The following KREMEN1 variants were observed in gnomAD, a reference collection of about 807,000 sequenced individuals.
KREMEN1 encodes kringle containing transmembrane protein 1, also known as kremen protein 1.
In KREMEN1, 30 loss-of-function variants were observed where a neutral mutation model predicts 46.5. The observed-to-expected ratio is 0.65, with a 90% CI of 0.48 to 0.88. The LOEUF (loss-of-function observed/expected upper bound fraction) is 0.88, where lower values mean the gene tolerates loss of function less well. Among genes scored for constraint, KREMEN1 ranks in the 40% least tolerant of loss-of-function variants. The pLI is 0.00. For synonymous variants in KREMEN1, 214 were observed against 230.6 expected (o/e 0.93, Z 0.65); for missense variants, 533 against 596.9 (o/e 0.89, Z 1.11).
In KREMEN1 at chr22:29,120,561, CAG is replaced by C. The variant is rs1299347023; in HGVS notation, c.353-795_353-794del. 2.2e-4 allele frequency among the ~76,000 whole-genome samples: 21 copies of C among 94,764 alleles called. 1 individual carries two copies. The highest frequency in any genetic ancestry group is 3.9e-4 in the East Asian group (1 of 2,534). 62.2% of individuals were successfully genotyped at this position (94,764 alleles called of 152,430 possible). On this transcript the variant is annotated intron_variant, in intron 3 of 8. Coordinates refer to ENST00000400335, the MANE Select transcript of KREMEN1 (RefSeq NM_001039570.3). ...GAGGAGGGAGAGGTGACGATGGAAA[CAG>C]GGAGGAGGGAGAGTTGATGATGGAA...
At chr22:29,150,017 G>A (rs548718977), downstream of KREMEN1, among the ~76,000 whole-genome samples, 68 of 152,354 alleles carry the variant, frequency 4.5e-4, 1 homozygote, top group Admixed American at 8.5e-4. Flanking sequence ...TCAGAGAACT[G>A]GGAAGCTTTT....
At chr22:29,150,387 C>T (rs2038906106), downstream of KREMEN1, among the ~76,000 whole-genome samples, 1 of 152,202 alleles carries the variant, frequency 6.6e-6, no homozygotes, top group African/African-American at 2.4e-5. Flanking sequence ...AAAAGGGGCT[C>T]CACAAGAAGC....
chr22:29,154,033 T>C (rs181348247), intron 9 of KREMEN1, among the ~76,000 whole-genome samples: 6 of 152,078 alleles, frequency 3.9e-5, no homozygotes, highest in Admixed American at 3.3e-4. Context: ...TTGTGAAGAT[T>C]AAATGAAATA....
At chr22:29,155,471 G>A (rs1265823305) in intron 9 of KREMEN1, among the ~76,000 whole-genome samples, 1 of 152,084 alleles carries the variant, frequency 6.6e-6, no homozygotes, top group Non-Finnish European at 1.5e-5. Flanking sequence ...GGAGGTCTAG[G>A]CTGCAGTGAG....
intron 9 of KREMEN1, among the ~76,000 whole-genome samples, chr22:29,156,743 A>G (rs1004876525): frequency 6.6e-6 from 1 of 152,216 alleles, no homozygotes; most frequent in African/African-American, 2.4e-5. Flanking sequence ...AGCTGGGAGG[A>G]GCAAGGCTGC....
In KREMEN1 at chr22:29,094,417, G is replaced by T. The variant is rs765536634; in HGVS notation, c.257G>T (p.Cys86Phe). 2 of 1,612,230 alleles carry T rather than the reference G, an allele frequency of 1.2e-6. No homozygotes were observed. The highest frequency in any genetic ancestry group is 4.5e-5 in the East Asian group (2 of 44,868). Reference sequence around the variant, plus strand: ...GGGGGCCTGGGTGAGCACAACTATTGCAGGTAAGATGGGGCCACTCAGTAC... The same window carrying T: ...GGGGGCCTGGGTGAGCACAACTATTTCAGGTAAGATGGGGCCACTCAGTAC... Reference protein sequence around the residue: ...GEGGLGEHNYCRNPDGDVSPW... With the variant: ...GEGGLGEHNYFRNPDGDVSPW... The change falls in exon 2 of 9, where the codon TGC becomes TTC. Residue 86 changes from cysteine (C) to phenylalanine (F), a missense_variant. Physicochemically the swap from Cys to Phe is radical, Grantham distance 205. Transcript: ENST00000400335.
At chr22:29,113,978 C>T (rs1280249181) in intron 3 of KREMEN1, among the ~76,000 whole-genome samples, 1 of 152,264 alleles carries the variant, frequency 6.6e-6, no homozygotes, top group African/African-American at 2.4e-5. Flanking sequence ...CCACAAAGAC[C>T]CCTTTCAGTT....
Position 29,142,212 on chromosome 22 carries a change from C to G in KREMEN1, c.*100C>G, listed in dbSNP as rs2038775329. On this transcript the variant is annotated 3_prime_UTR_variant, in exon 9 of 9. Coordinates refer to ENST00000400335, the MANE Select transcript of KREMEN1 (RefSeq NM_001039570.3). ...TTCTCTGACAGACTCTTCCCCTCCTCTCCCTCTGCCTCGGCCTCTTCGGGG... is the reference window on the plus strand; with the variant it reads ...TTCTCTGACAGACTCTTCCCCTCCTGTCCCTCTGCCTCGGCCTCTTCGGGG... 3 of 1,420,376 alleles carry G rather than the reference C, an allele frequency of 2.1e-6. No individual in the cohort carries two copies. Among genetic ancestry groups the G allele is most frequent in the African/African-American group, 1.5e-5 (1 of 68,312 alleles). The allele number at this position is 1,420,376 out of a possible 1,614,324, so 88.0% of individuals were successfully genotyped here.
intron 9 of KREMEN1, among the ~76,000 whole-genome samples, chr22:29,163,399 T>C (rs5997449): frequency 0.11 from 16,846 of 152,024 alleles, 1,140 homozygotes; most frequent in African/African-American, 0.18. Context: ...TTTTTTGAGA[T>C]GGAGTTTCAC....
At chr22:29,147,403 A>G (rs1263970880), downstream of KREMEN1, among the ~76,000 whole-genome samples, 1 of 152,162 alleles carries the variant, frequency 6.6e-6, no homozygotes, top group Non-Finnish European at 1.5e-5. Context: ...GCTGGCAGAC[A>G]CTGTGCATAT....
chr22:29,157,989 G>T (rs2038978344), intron 9 of KREMEN1, among the ~76,000 whole-genome samples: 2 of 152,154 alleles, frequency 1.3e-5, no homozygotes, highest in South Asian at 2.1e-4. Context: ...GGATGCAAAG[G>T]CCACTGGGAA....
chr22:29,082,771 C>A (rs1316597590), intron 1 of KREMEN1, among the ~76,000 whole-genome samples: 1 of 152,154 alleles, frequency 6.6e-6, no homozygotes. Context: ...GTTTCAAAAC[C>A]TCTGGTTTCT....
chr22:29,158,226 G>T (rs1221885636), intron 9 of KREMEN1, among the ~76,000 whole-genome samples: 1 of 152,182 alleles, frequency 6.6e-6, no homozygotes, highest in Non-Finnish European at 1.5e-5. Context: ...TGTGGTCCAG[G>T]TTCCTCACGT....
chr22:29,166,974 A>G, intron 9 of KREMEN1: 1 of 1,207,526 alleles, frequency 8.3e-7, no homozygotes, highest in Non-Finnish European at 1.2e-6. Flanking sequence ...AAATGCTTCT[A>G]ACTGTTCTCT....
At chr22:29,110,015 T>G (rs972013001) in intron 3 of KREMEN1, among the ~76,000 whole-genome samples, 1 of 152,228 alleles carries the variant, frequency 6.6e-6, no homozygotes, top group Non-Finnish European at 1.5e-5. Flanking sequence ...CCTCTTGAAC[T>G]TGGACTGACC....
intron 3 of KREMEN1, among the ~76,000 whole-genome samples, chr22:29,120,784 C>A (rs149203269): frequency 6.6e-6 from 1 of 152,216 alleles, no homozygotes; most frequent in East Asian, 1.9e-4. Flanking sequence ...GACCCATAAG[C>A]CCCACTTAGT....
chr22:29,110,006 C>T (rs1283702596), intron 3 of KREMEN1, among the ~76,000 whole-genome samples: 1 of 152,170 alleles, frequency 6.6e-6, no homozygotes. Context: ...GTTATCATTC[C>T]TCTTGAACTT....
At chr22:29,078,523 A>G (rs1318557346) in intron 1 of KREMEN1, among the ~76,000 whole-genome samples, 1 of 151,736 alleles carries the variant, frequency 6.6e-6, no homozygotes, top group African/African-American at 2.4e-5. Flanking sequence ...ACAAACTTCT[A>G]TGACTTTCCT....
chr22:29,161,707 C>A (rs1282195280), intron 9 of KREMEN1, among the ~76,000 whole-genome samples: 1 of 151,980 alleles, frequency 6.6e-6, no homozygotes, highest in Admixed American at 6.6e-5. Context: ...GCCAGCATCA[C>A]CCTGACCTCA....
Sources: gnomAD v4.1 joint callset for allele counts (sites outside exome capture counted in the v4.1 genomes callset) on GRCh38, gnomAD v4.1.1 for gene constraint, MANE v1.5 for transcripts, NCBI Gene and HGNC (gene_info 2026-07-23, HGNC 2026-07-21) for gene names.